The following BRAF variants were observed in gnomAD, a reference collection of about 807,000 sequenced individuals.
The protein encoded by BRAF is B-Raf proto-oncogene, serine/threonine kinase.
Under a neutral mutation model 104.6 loss-of-function variants are expected in BRAF, and 16 were observed. The observed-to-expected ratio is 0.15, with a 90% CI of 0.10 to 0.23. The LOEUF (loss-of-function observed/expected upper bound fraction) is 0.23, where lower values mean the gene tolerates loss of function less well. Ranked by LOEUF, BRAF falls within the 10% of genes least tolerant of loss-of-function variation. The pLI, the probability that BRAF is intolerant of heterozygous loss-of-function variation, is 1.00. For missense variants in BRAF, 541 were observed against 937.3 expected (o/e 0.58, Z 5.52); for synonymous variants, 310 against 341.6 (o/e 0.91, Z 1.02).
chr7:140,739,591 G>A (rs1796739004), intron 18 of BRAF, among the ~76,000 whole-genome samples: 1 of 151,910 alleles, frequency 6.6e-6, no homozygotes, highest in Admixed American at 6.6e-5. Flanking sequence ...AGAACTGATG[G>A]ACAAATGCAA....
At chr7:140,763,509 T>C (rs897593151) in intron 14 of BRAF, among the ~76,000 whole-genome samples, 1 of 152,156 alleles carries the variant, frequency 6.6e-6, no homozygotes, top group Non-Finnish European at 1.5e-5. Flanking sequence ...GCCCAGGAGC[T>C]GGTTTTTTGA....
intron 1 of BRAF, among the ~76,000 whole-genome samples, chr7:140,913,568 C>T (rs985147588): frequency 1.4e-5 from 2 of 147,212 alleles, no homozygotes; most frequent in Non-Finnish European, 3.0e-5. Flanking sequence ...CTGCAACCTC[C>T]GACTCCCTGA....
At chr7:140,902,236 C>A (rs1243931899) in intron 1 of BRAF, among the ~76,000 whole-genome samples, 1 of 152,146 alleles carries the variant, frequency 6.6e-6, no homozygotes, top group Non-Finnish European at 1.5e-5. Flanking sequence ...ATTATGCTGT[C>A]TATTTTAGTG....
At chr7:140,863,673 G>C (rs1468045162) in intron 1 of BRAF, among the ~76,000 whole-genome samples, 1 of 152,162 alleles carries the variant, frequency 6.6e-6, no homozygotes, top group African/African-American at 2.4e-5. Context: ...CCATCCTCTT[G>C]ATGCTGTCCT....
chr7:140,859,873 G>C (rs940988073), intron 1 of BRAF, among the ~76,000 whole-genome samples: 3 of 152,062 alleles, frequency 2.0e-5, no homozygotes, highest in African/African-American at 7.2e-5. Flanking sequence ...ATTTTTAGTA[G>C]AGACAGGATT....
intron 1 of BRAF, among the ~76,000 whole-genome samples, chr7:140,914,708 C>T (rs1817386868): frequency 6.6e-6 from 1 of 151,794 alleles, no homozygotes; most frequent in Non-Finnish European, 1.5e-5. Flanking sequence ...AAGTCACCTC[C>T]ATAAAACATT....
chr7:140,845,049 A>C (rs1265147381), intron 2 of BRAF, among the ~76,000 whole-genome samples: 1 of 151,824 alleles, frequency 6.6e-6, no homozygotes, highest in Non-Finnish European at 1.5e-5. Context: ...AAACAGTATG[A>C]TGACAGCATA....
intron 2 of BRAF, among the ~76,000 whole-genome samples, chr7:140,841,566 T>A (rs1807972583): frequency 6.6e-6 from 1 of 152,046 alleles, no homozygotes; most frequent in Admixed American, 6.6e-5. Context: ...TAACAAGAAA[T>A]GAAGTACTGA....
At chr7:140,771,870 C>G (rs1199171263) in intron 14 of BRAF, among the ~76,000 whole-genome samples, 5 of 151,870 alleles carry the variant, frequency 3.3e-5, no homozygotes, top group Admixed American at 2.0e-4. Context: ...CAGGGTAGAG[C>G]CAGGGGACAG....
rs114199942 is a variant in BRAF, at chr7:140,867,283, T to G, written c.139-17071A>C. ...GCATGGTCTATGTCTCTATAAGAAGTAGAAGAAATATTCCATCATTAGGTA... is the reference window on the plus strand; with the variant it reads ...GCATGGTCTATGTCTCTATAAGAAGGAGAAGAAATATTCCATCATTAGGTA... On this transcript the variant is annotated intron_variant, in intron 1 of 19. Transcript: ENST00000644969. 7.6e-3 allele frequency among the ~76,000 whole-genome samples: 1,161 copies of G among 152,246 alleles called. 22 individuals carry two copies. The highest frequency in any genetic ancestry group is 0.027 in the African/African-American group (1,108 of 41,546).
At chr7:140,880,797 T>C (rs1812809208) in intron 1 of BRAF, among the ~76,000 whole-genome samples, 1 of 139,400 alleles carries the variant, frequency 7.2e-6, no homozygotes, top group Non-Finnish European at 1.5e-5. Flanking sequence ...ATAGACCCTG[T>C]CTCTATTAAA....
At chr7:140,825,035 ATCTC>A (rs1360796832) in intron 3 of BRAF, among the ~76,000 whole-genome samples, 7 of 151,044 alleles carry the variant, frequency 4.6e-5, no homozygotes, top group African/African-American at 7.3e-5. Context: ...CAGTGGCGCA[ATCTC>A]GGCTCACTGC....
chr7:140,902,688 T>C (rs1182146305), intron 1 of BRAF, among the ~76,000 whole-genome samples: 1 of 152,152 alleles, frequency 6.6e-6, no homozygotes, highest in Non-Finnish European at 1.5e-5. Context: ...ATCCCAGCAT[T>C]TTCAGAGGCC....
chr7:140,867,822 T>C (rs766057933), intron 1 of BRAF, among the ~76,000 whole-genome samples: 1 of 152,208 alleles, frequency 6.6e-6, no homozygotes, highest in Non-Finnish European at 1.5e-5. Flanking sequence ...ATTAATGGCT[T>C]CTCTGTAGGC....
intron 19 of BRAF, chr7:140,734,473 C>A: frequency 6.3e-7 from 1 of 1,591,160 alleles, no homozygotes; most frequent in Non-Finnish European, 8.5e-7. Flanking sequence ...TTTAACCACA[C>A]AAGTGTTCTT....
chr7:140,828,776 C>A (rs981389617), intron 3 of BRAF, among the ~76,000 whole-genome samples: 2 of 152,142 alleles, frequency 1.3e-5, no homozygotes, highest in Non-Finnish European at 2.9e-5. Flanking sequence ...AGATGGAGTA[C>A]TGGCTTGGAA....
intron 3 of BRAF, among the ~76,000 whole-genome samples, chr7:140,819,742 T>C (rs1267692786): frequency 2.6e-5 from 4 of 152,134 alleles, no homozygotes; most frequent in Non-Finnish European, 5.9e-5. Context: ...CAAACACATA[T>C]TGTATGATTT....
intron 2 of BRAF, among the ~76,000 whole-genome samples, chr7:140,844,720 G>A (rs1163918578): frequency 6.6e-6 from 1 of 152,208 alleles, no homozygotes; most frequent in Non-Finnish European, 1.5e-5. Flanking sequence ...GAGGTCAGGA[G>A]TTCGAGATTG....
chr7:140,783,343 G>A (rs1801063134), intron 10 of BRAF, 186 bp from the exon 10 acceptor site: 2 of 654,376 alleles, frequency 3.1e-6, no homozygotes, highest in Non-Finnish European at 5.0e-6. Context: ...ATTTCTTTTA[G>A]TTTTCTGGCC....
Sources: allele counts gnomAD v4.1 joint callset (sites outside exome capture counted in the v4.1 genomes callset), GRCh38; gene constraint gnomAD v4.1.1; transcripts MANE v1.5; gene names NCBI Gene and HGNC (gene_info 2026-07-23, HGNC 2026-07-21).